ZNF141: variants seen among roughly 807,000 people sequenced by gnomAD.
ZNF141 encodes the protein zinc finger protein 141.
A neutral mutation model predicts 11.3 loss-of-function variants in ZNF141; 7 were observed. That is an observed-to-expected ratio of 0.62 (90% confidence interval 0.35 to 1.16). ZNF141 has a LOEUF of 1.16. Among genes scored for constraint, ZNF141 ranks in the 50% most tolerant of loss-of-function variants. The pLI is 0.02. For missense variants in ZNF141, 535 were observed against 554.0 expected, an observed-to-expected ratio of 0.97 and a Z score of 0.34; for synonymous variants, 183 against 190.7, an observed-to-expected ratio of 0.96 and a Z score of 0.33.
Position 382,238 on chromosome 4 carries a change from G to A in ZNF141, c.*8376G>A, listed in dbSNP as rs1301576452. Reference sequence around the variant, plus strand: ...TGGGATTACAGGCATGAGCCACCGCGCCCGGCCTTAGTTGTGTGTGATTTC... The same window carrying A: ...TGGGATTACAGGCATGAGCCACCGCACCCGGCCTTAGTTGTGTGTGATTTC... On this transcript the variant is annotated 3_prime_UTR_variant, in exon 4 of 4. Transcript: ENST00000240499. Among the ~76,000 whole-genome samples, 1 of 152,078 alleles carries A rather than the reference G, an allele frequency of 6.6e-6. No homozygotes were observed. Among genetic ancestry groups the A allele is most frequent in the Admixed American group, 6.6e-5 (1 of 15,260 alleles).
chr4:383,334 T>C lies in ZNF141; in HGVS notation c.*9472T>C, dbSNP rs1581639649. On this transcript the variant is annotated 3_prime_UTR_variant, in exon 4 of 4. Coordinates refer to ENST00000240499, the MANE Select transcript of ZNF141 (RefSeq NM_003441.4). ...GAGCTAGTATGTTTCGGGATTGTTA[T>C]GCAGTTATAAGTTAGTAATATATAC... 1.7e-6 allele frequency: 1 copy of C among 580,222 alleles called. No homozygotes were observed. Among genetic ancestry groups the C allele is most frequent in the Non-Finnish European group, 3.0e-6 (1 of 329,202 alleles). 35.9% of individuals were successfully genotyped at this position (580,222 alleles called of 1,614,324 possible).
rs1553847815 is a variant in ZNF141, at chr4:337,958, C to T, written c.-26C>T. ...GGTATTGGATGATTGGTAGCTAAGA[C>T]TCCCGAATACTTCAGAAGTGGGGAA... On this transcript the variant is annotated 5_prime_UTR_variant, in exon 1 of 4. Coordinates refer to ENST00000240499, the MANE Select transcript of ZNF141 (RefSeq NM_003441.4). 6.2e-7 allele frequency: 1 copy of T among 1,612,876 alleles called. No individual in the cohort carries two copies. The highest frequency in any genetic ancestry group is 8.5e-7 in the Non-Finnish European group (1 of 1,179,192).
In ZNF141 at chr4:382,188, C is replaced by A. The variant is rs534143672; in HGVS notation, c.*8326C>A. ...GTCTTGATTTCCTGACCTCGTGATC[C>A]GCCTGCCTCAGCCTACCAAAGTGCT... On this transcript the variant is annotated 3_prime_UTR_variant, in exon 4 of 4. Transcript: ENST00000240499. Among the ~76,000 whole-genome samples, 3 of 152,006 alleles carry A rather than the reference C, an allele frequency of 2.0e-5. No homozygotes were observed. The South Asian group carries it at 6.2e-4, about 32-fold the overall frequency.
chr4:351,753 A>G (rs1553850475), intron 3 of ZNF141, among the ~76,000 whole-genome samples: 1 of 152,146 alleles, frequency 6.6e-6, no homozygotes, highest in East Asian at 1.9e-4. Flanking sequence ...GCAGGTCATC[A>G]ATAGCCCCGT....
chr4:349,432 C>T (rs1721488623), intron 3 of ZNF141, among the ~76,000 whole-genome samples: 1 of 152,170 alleles, frequency 6.6e-6, no homozygotes, highest in South Asian at 2.1e-4. Flanking sequence ...TTCTTTTCCA[C>T]TCTGGAGAGC....
chr4:342,682 T>C (rs1553848692), intron 1 of ZNF141: 2 of 860,182 alleles, frequency 2.3e-6, no homozygotes, highest in Non-Finnish European at 3.8e-6. Flanking sequence ...CATGGACAGT[T>C]TGAAGAGAAA....
Position 344,347 on chromosome 4 carries a change from C to T in ZNF141, c.143C>T (p.Ser48Phe). The part of the protein sequence containing the change: ...RNLVSLGVAI[S>F]NPDLVTCLEQ... ...TAAAATAAAACAGGTGTTGCTATCT[C>T]TAACCCAGACCTGGTCACCTGTCTG... The change falls in exon 3 of 4, where the codon TCT (serine) becomes TTT (phenylalanine). Residue 48 changes from serine to phenylalanine, a missense_variant. Ser to Phe is a radical substitution (Grantham distance 155). Coordinates refer to ENST00000240499, the MANE Select transcript of ZNF141 (RefSeq NM_003441.4). 6.2e-7 allele frequency: 1 copy of T among 1,607,782 alleles called. No homozygotes were observed. The highest frequency in any genetic ancestry group is 8.5e-7 in the Non-Finnish European group (1 of 1,175,630).
Position 379,595 on chromosome 4 carries a change from A to C in ZNF141, c.*5733A>C, listed in dbSNP as rs1712525696. Among the ~76,000 whole-genome samples the C allele has an allele frequency of 6.6e-6, 1 of 151,974 alleles. No individual in the cohort carries two copies. The highest frequency in any genetic ancestry group is 2.4e-5 in the African/African-American group (1 of 41,376). ...TGACTATGTTGGCCAGGCTGGTCTC[A>C]AACTCCTGACCCTGTGATCCTGCCA... On this transcript the variant is annotated 3_prime_UTR_variant, in exon 4 of 4. Coordinates refer to ENST00000240499, the MANE Select transcript of ZNF141 (RefSeq NM_003441.4).
In ZNF141 at chr4:384,677, A is replaced by G. The variant is rs543902171; in HGVS notation, c.*10815A>G. On this transcript the variant is annotated 3_prime_UTR_variant, in exon 4 of 4. Transcript: ENST00000240499. ...AGATGGAGTCACTGTGGTCAACTCCAGGCATGCACAGATACAACACCCTTA... is the reference window on the plus strand; with the variant it reads ...AGATGGAGTCACTGTGGTCAACTCCGGGCATGCACAGATACAACACCCTTA... The G allele has an allele frequency of 1.3e-5, 2 of 152,284 alleles. No individual in the cohort carries two copies. The highest frequency in any genetic ancestry group is 4.1e-4 in the South Asian group (2 of 4,830). 9.4% of individuals were successfully genotyped at this position (152,284 alleles called of 1,614,324 possible). A position where few individuals can be genotyped will look rare whatever the true frequency, so the allele number is the denominator to read the frequency against.
At chr4:340,731 CT>C (rs1553848320) in intron 1 of ZNF141, among the ~76,000 whole-genome samples, 1 of 152,156 alleles carries the variant, frequency 6.6e-6, no homozygotes, top group African/African-American at 2.4e-5. Flanking sequence ...AACTGTTTGT[CT>C]TTTGAAGTTG....
At chr4:339,391 C>T (rs1313158337) in intron 1 of ZNF141, among the ~76,000 whole-genome samples, 1 of 152,234 alleles carries the variant, frequency 6.6e-6, no homozygotes. Context: ...GCCTTGCCCC[C>T]ACTCAAGGCT....
intron 3 of ZNF141, among the ~76,000 whole-genome samples, chr4:364,769 T>A (rs139409106): frequency 0.057 from 8,702 of 152,230 alleles, 382 homozygotes; most frequent in African/African-American, 0.13. Flanking sequence ...TGTCTCCCAG[T>A]TAGGCTACAT....
Position 372,668 on chromosome 4 carries a change from G to C in ZNF141, c.231G>C (p.Met77Ile). ...IHKIVARPPA[M>I]CSHFTQDHWP... ...TGTAATTTTTATTTCTTTCAGCTAT[G>C]TGTTCTCATTTCACCCAAGACCATT... The change falls in exon 4 of 4, where the codon ATG becomes ATC. Residue 77 changes from methionine (M) to isoleucine (I), a missense_variant. Met to Ile is a conservative substitution (Grantham distance 10, BLOSUM62 1). Coordinates refer to ENST00000240499, the MANE Select transcript of ZNF141 (RefSeq NM_003441.4). The C allele has an allele frequency of 6.6e-7, 1 of 1,511,654 alleles. No individual in the cohort carries two copies. Among genetic ancestry groups the C allele is most frequent in the Non-Finnish European group, 8.9e-7 (1 of 1,128,556 alleles). The allele number at this position is 1,511,654 out of a possible 1,614,324, so 93.6% of individuals were successfully genotyped here.
At chr4:345,662 A>AGGTTGC (rs1721285267) in intron 3 of ZNF141, among the ~76,000 whole-genome samples, 1 of 139,220 alleles carries the variant, frequency 7.2e-6, no homozygotes, top group Non-Finnish European at 1.5e-5. Flanking sequence ...CAGGAGACGG[A>AGGTTGC]GGTTGCGGTT....
chr4:344,875 T>C (rs1721247469), intron 3 of ZNF141, among the ~76,000 whole-genome samples: 1 of 152,176 alleles, frequency 6.6e-6, no homozygotes, highest in Admixed American at 6.5e-5. Flanking sequence ...AAAGCTGCAT[T>C]TTTTCTCATG....
rs1429419621 is a variant in ZNF141, at chr4:378,320, G to A, written c.*4458G>A. 2 of 152,090 alleles carry A rather than the reference G, an allele frequency of 1.3e-5. No homozygotes were observed. Among genetic ancestry groups the A allele is most frequent in the African/African-American group, 2.4e-5 (1 of 41,410 alleles). 9.4% of individuals were successfully genotyped at this position (152,090 alleles called of 1,614,324 possible). On this transcript the variant is annotated 3_prime_UTR_variant, in exon 4 of 4. Transcript: ENST00000240499. ...AGCCCCACTCTGTCACCAGGCTGGAGTGCAGTGGTGCAATCTCAGCTCACT... is the reference window on the plus strand; with the variant it reads ...AGCCCCACTCTGTCACCAGGCTGGAATGCAGTGGTGCAATCTCAGCTCACT...
chr4:347,623 G>A (rs960630334), intron 3 of ZNF141, among the ~76,000 whole-genome samples: 2 of 151,884 alleles, frequency 1.3e-5, no homozygotes, highest in Admixed American at 1.3e-4. Context: ...ACAGGCGTGA[G>A]CCAAGGAGCC....
chr4:348,808 T>G (rs1553850019), intron 3 of ZNF141, among the ~76,000 whole-genome samples: 1 of 152,130 alleles, frequency 6.6e-6, no homozygotes, highest in Non-Finnish European at 1.5e-5. Flanking sequence ...TAAAAGTCGT[T>G]TAAGGTTACA....
intron 3 of ZNF141, among the ~76,000 whole-genome samples, chr4:366,962 C>G (rs1263604864): frequency 6.6e-6 from 1 of 152,206 alleles, no homozygotes; most frequent in East Asian, 1.9e-4. Flanking sequence ...GCCACTGAAC[C>G]TGGCCAACTG....
Sources: allele counts gnomAD v4.1 joint callset (sites outside exome capture counted in the v4.1 genomes callset), GRCh38; gene constraint gnomAD v4.1.1; transcripts MANE v1.5; gene names NCBI Gene and HGNC (gene_info 2026-07-23, HGNC 2026-07-21).